Variants in SEZ6L observed in about 807,000 individuals in gnomAD.
The protein encoded by SEZ6L is seizure related 6 homolog like, also known as seizure 6-like protein.
In SEZ6L, 37 loss-of-function variants were observed where a neutral mutation model predicts 106.2. That is an observed-to-expected ratio of 0.35 (90% confidence interval 0.27 to 0.46). The LOEUF (loss-of-function observed/expected upper bound fraction) is 0.46, where lower values mean the gene tolerates loss of function less well. Ranked by LOEUF, SEZ6L falls within the 20% of genes least tolerant of loss-of-function variation. SEZ6L has a pLI of 1.00. For synonymous variants in SEZ6L, 541 were observed against 570.4 expected (o/e 0.95, Z 0.73); for missense variants, 1,172 against 1,332.8 (o/e 0.88, Z 1.88).
At chr22:26,367,109 TA>T (rs1166606212) in intron 13 of SEZ6L, among the ~76,000 whole-genome samples, 1 of 152,122 alleles carries the variant, frequency 6.6e-6, no homozygotes, top group Non-Finnish European at 1.5e-5. Context: ...GGAACGTCCA[TA>T]ACGAACTAAA....
chr22:26,193,384 A>G (rs1940367217), intron 1 of SEZ6L, among the ~76,000 whole-genome samples: 1 of 152,170 alleles, frequency 6.6e-6, no homozygotes, highest in Non-Finnish European at 1.5e-5. Context: ...CAGGGAGTGG[A>G]GGTAACATAC....
intron 1 of SEZ6L, among the ~76,000 whole-genome samples, chr22:26,232,844 C>T (rs2078843276): frequency 6.6e-6 from 1 of 152,234 alleles, no homozygotes; most frequent in Non-Finnish European, 1.5e-5. Flanking sequence ...GCCTCAGTCT[C>T]CTCATCTGTA....
At chr22:26,281,381 T>C (rs1021813151) in intron 1 of SEZ6L, among the ~76,000 whole-genome samples, 9 of 147,836 alleles carry the variant, frequency 6.1e-5, no homozygotes, top group African/African-American at 1.2e-4. Context: ...TTTCTTTTTT[T>C]TTTTTTTTTT....
rs146410539 is a variant in SEZ6L at position 26,293,764 on chromosome 22, C to T, written c.836-528C>T. Among the ~76,000 whole-genome samples, 216 of 152,324 alleles carry T rather than the reference C, an allele frequency of 1.4e-3. 1 individual carries two copies. Among genetic ancestry groups the T allele is most frequent in the African/African-American group, 5.1e-3 (211 of 41,574 alleles). The stretch of plus-strand genomic sequence containing the variant: ...TTCTTCATTTAACCTGCTTCAAAGC[C>T]ACTAGCCTTTTCAAAGCACATTTGC... On this transcript the variant is annotated intron_variant, in intron 2 of 16. Coordinates refer to ENST00000248933, the MANE Select transcript of SEZ6L (RefSeq NM_021115.5).
At chr22:26,295,250 G>C (rs2081268272) in intron 3 of SEZ6L, among the ~76,000 whole-genome samples, 1 of 152,222 alleles carries the variant, frequency 6.6e-6, no homozygotes, top group Admixed American at 6.5e-5. Context: ...AGCAGAGAGA[G>C]AGGGAGGAGA....
At chr22:26,309,895 A>G (rs1041474218) in intron 6 of SEZ6L, among the ~76,000 whole-genome samples, 4 of 150,534 alleles carry the variant, frequency 2.7e-5, no homozygotes, top group African/African-American at 4.9e-5. Flanking sequence ...TATAGGTGCA[A>G]TTGTACCCAT....
chr22:26,371,998 A>G (rs1032118824), intron 13 of SEZ6L, among the ~76,000 whole-genome samples: 5 of 152,218 alleles, frequency 3.3e-5, no homozygotes, highest in African/African-American at 1.2e-4. Flanking sequence ...AGGCCACCTG[A>G]CTGGGACTTG....
At chr22:26,342,636 C>T (rs1325512305) in intron 10 of SEZ6L, among the ~76,000 whole-genome samples, 1 of 152,142 alleles carries the variant, frequency 6.6e-6, no homozygotes, top group Non-Finnish European at 1.5e-5. Context: ...GCAGAGGTTG[C>T]AGTGAGCCAA....
chr22:26,235,977 CAT>C (rs2078946697), intron 1 of SEZ6L, among the ~76,000 whole-genome samples: 1 of 152,240 alleles, frequency 6.6e-6, no homozygotes, highest in East Asian at 1.9e-4. Context: ...AAGATGCTCT[CAT>C]AACATCAGAG....
intron 1 of SEZ6L, among the ~76,000 whole-genome samples, chr22:26,237,284 A>G (rs80355255): frequency 0.018 from 2,814 of 152,280 alleles, 42 homozygotes; most frequent in South Asian, 0.03. Context: ...CATTCCTTCA[A>G]TTACACGCCT....
chr22:26,379,196 T>C (rs1203637481), intron 16 of SEZ6L, among the ~76,000 whole-genome samples: 1 of 152,230 alleles, frequency 6.6e-6, no homozygotes, highest in Non-Finnish European at 1.5e-5. Flanking sequence ...GTTTCTTCCA[T>C]GTGGGCCTCT....
intron 12 of SEZ6L, among the ~76,000 whole-genome samples, chr22:26,364,505 A>G (rs892250855): frequency 6.6e-6 from 1 of 151,444 alleles, no homozygotes; most frequent in African/African-American, 2.4e-5. Flanking sequence ...AAGCAGGGGA[A>G]TTGCTTGACC....
intron 5 of SEZ6L, among the ~76,000 whole-genome samples, chr22:26,302,915 C>T (rs1292253558): frequency 6.6e-6 from 1 of 152,192 alleles, no homozygotes; most frequent in Non-Finnish European, 1.5e-5. Flanking sequence ...GGACAGTGTC[C>T]TCCATTTCTC....
intron 11 of SEZ6L, among the ~76,000 whole-genome samples, chr22:26,348,802 A>G (rs935881996): frequency 3.0e-4 from 1 of 3,382 alleles, no homozygotes; most frequent in Non-Finnish European, 4.5e-4. Flanking sequence ...AGGGAAGGGG[A>G]GGGAAGGGGA....
chr22:26,171,042 C>T (rs1308041484), intron 1 of SEZ6L, among the ~76,000 whole-genome samples: 1 of 152,250 alleles, frequency 6.6e-6, no homozygotes, highest in Non-Finnish European at 1.5e-5. Context: ...CCCTTCAACC[C>T]TTCCCGGTGG....
intron 9 of SEZ6L, among the ~76,000 whole-genome samples, chr22:26,317,731 G>T (rs2082044838): frequency 1.3e-5 from 2 of 152,048 alleles, no homozygotes; most frequent in Non-Finnish European, 2.9e-5. Flanking sequence ...TGCAGCGGGG[G>T]CAGGCTTTCT....
At chr22:26,328,106 G>C (rs2082375494) in intron 9 of SEZ6L, among the ~76,000 whole-genome samples, 1 of 152,202 alleles carries the variant, frequency 6.6e-6, no homozygotes, top group African/African-American at 2.4e-5. Context: ...CTTGGTCATG[G>C]CCATTGTTAA....
intron 1 of SEZ6L, chr22:26,254,187 C>T (rs1267105111): frequency 1.3e-5 from 2 of 152,200 alleles, no homozygotes; most frequent in Admixed American, 6.5e-5. Flanking sequence ...GAAAGCAACA[C>T]GGCAATTCTG....
At chr22:26,207,910 A>ATTTTTTTTTTTTTTT in intron 1 of SEZ6L, among the ~76,000 whole-genome samples, 2 of 138,498 alleles carry the variant, frequency 1.4e-5, no homozygotes, top group South Asian at 4.8e-4. Flanking sequence ...ATTCATGTGT[A>ATTTTTTTTTTTTTTT]TTTTTTTTTT....
Sources: allele counts gnomAD v4.1 joint callset (sites outside exome capture counted in the v4.1 genomes callset), GRCh38; gene constraint gnomAD v4.1.1; transcripts MANE v1.5; gene names NCBI Gene and HGNC (gene_info 2026-07-23, HGNC 2026-07-21).